Variants in MRPL1 observed in about 807,000 individuals in gnomAD.
The protein encoded by MRPL1 is large ribosomal subunit protein uL1m.
A neutral mutation model predicts 38.0 loss-of-function variants in MRPL1; 28 were observed. The ratio of observed to expected loss-of-function variants is 0.74; its 90% confidence interval spans 0.55 to 1.01. The LOEUF (loss-of-function observed/expected upper bound fraction) is 1.01, where lower values mean the gene tolerates loss of function less well. MRPL1 is among the 50% of genes least tolerant of loss of function. The probability of loss-of-function intolerance (pLI) is 0.00; values close to 1 mark genes in which losing one functional copy is unlikely to be tolerated. For synonymous variants in MRPL1, 123 were observed against 126.7 expected (o/e 0.97, Z 0.20); for missense variants, 358 against 389.8 (o/e 0.92, Z 0.69).
intron 1 of MRPL1, among the ~76,000 whole-genome samples, chr4:77,868,586 G>A (rs2110227634): frequency 6.6e-6 from 1 of 152,260 alleles, no homozygotes; most frequent in South Asian, 2.1e-4. Flanking sequence ...TGCTGTGAAG[G>A]AAAAGTGTAA....
chr4:77,904,935 A>T (rs1305183837), intron 6 of MRPL1, among the ~76,000 whole-genome samples: 1 of 152,232 alleles, frequency 6.6e-6, no homozygotes, highest in East Asian at 1.9e-4. Flanking sequence ...GCCTTAGATT[A>T]AATAAATATT....
chr4:77,926,915 T>C (rs1159208354), intron 7 of MRPL1, among the ~76,000 whole-genome samples: 1 of 152,140 alleles, frequency 6.6e-6, no homozygotes, highest in African/African-American at 2.4e-5. Context: ...GGCCTATAAC[T>C]TGTTTTTGAT....
chr4:77,901,831 G>C (rs1027326092), intron 6 of MRPL1, among the ~76,000 whole-genome samples: 2 of 152,130 alleles, frequency 1.3e-5, no homozygotes, highest in Non-Finnish European at 2.9e-5. Context: ...TAAAATATTT[G>C]AACAACACTC....
intron 6 of MRPL1, among the ~76,000 whole-genome samples, chr4:77,900,438 C>T (rs1398226393): frequency 6.6e-6 from 1 of 152,120 alleles, no homozygotes; most frequent in Non-Finnish European, 1.5e-5. Context: ...GAATGAGGGA[C>T]TGCTTTGTAG....
intron 7 of MRPL1, among the ~76,000 whole-genome samples, chr4:77,928,555 T>TA (rs1433278963): frequency 6.6e-6 from 1 of 152,186 alleles, no homozygotes; most frequent in Non-Finnish European, 1.5e-5. Flanking sequence ...AAGGGAATTA[T>TA]AAAGAGAGGA....
At chr4:77,915,774 G>C (rs1482473205) in intron 7 of MRPL1, among the ~76,000 whole-genome samples, 1 of 152,114 alleles carries the variant, frequency 6.6e-6, no homozygotes, top group Admixed American at 6.6e-5. Flanking sequence ...CATGAAATTG[G>C]TTATGTCTTA....
chr4:77,887,272 G>T lies in MRPL1; in HGVS notation c.539G>T (p.Gly180Val). The T allele has an allele frequency of 6.2e-7, 1 of 1,613,594 alleles. No homozygotes were observed. The highest frequency in any genetic ancestry group is 1.1e-5 in the South Asian group (1 of 91,066). Residue 180 changes from glycine (G) to valine (V), a missense_variant, in exon 5 of 9, where the codon GGC (glycine) becomes GTC (valine). Gly to Val is a moderately radical substitution (Grantham distance 109). Transcript: ENST00000315567. The part of the protein sequence containing the change: ...AEENGAAFAG[G>V]TSLIQKIWDD... ...GAAAATGGAGCTGCATTTGCAGGAG[G>T]CACTAGTCTGATACAGAAGGTACAG...
intron 2 of MRPL1, 39 bp downstream of exon 2, chr4:77,871,894 A>T: frequency 1.5e-6 from 2 of 1,350,720 alleles, no homozygotes; most frequent in Non-Finnish European, 2.1e-6. Flanking sequence ...ATTTGTTGTC[A>T]TTTTAATTTT....
At chr4:77,902,124 A>C (rs190510411) in intron 6 of MRPL1, among the ~76,000 whole-genome samples, 5 of 152,340 alleles carry the variant, frequency 3.3e-5, no homozygotes, top group Admixed American at 3.3e-4. Flanking sequence ...GAAATGAAAG[A>C]CTGTCTTAAA....
intron 2 of MRPL1, among the ~76,000 whole-genome samples, chr4:77,875,182 A>G (rs1464504917): frequency 2.7e-4 from 41 of 152,186 alleles, no homozygotes; most frequent in Admixed American, 2.6e-3. Flanking sequence ...ATATTGTTAT[A>G]TACAAATATG....
intron 7 of MRPL1, among the ~76,000 whole-genome samples, chr4:77,913,004 G>A (rs1225991925): frequency 1.3e-5 from 2 of 152,046 alleles, no homozygotes; most frequent in African/African-American, 4.8e-5. Context: ...GTCATAAAAT[G>A]AAATTCAACC....
intron 7 of MRPL1, among the ~76,000 whole-genome samples, chr4:77,922,923 G>A (rs886388230): frequency 7.9e-5 from 12 of 152,140 alleles, no homozygotes; most frequent in Admixed American, 1.3e-4. Flanking sequence ...CAGAGAAAAG[G>A]GCTGGGATAG....
chr4:77,902,850 G>C (rs1311489124), intron 6 of MRPL1, among the ~76,000 whole-genome samples: 1 of 152,168 alleles, frequency 6.6e-6, no homozygotes, highest in African/African-American at 2.4e-5. Flanking sequence ...GAAAGAAATT[G>C]AATTAGTCAT....
At chr4:77,918,023 C>CTGT (rs1736461264) in intron 7 of MRPL1, among the ~76,000 whole-genome samples, 2 of 146,388 alleles carry the variant, frequency 1.4e-5, no homozygotes, top group Admixed American at 1.4e-4. Flanking sequence ...CACTGCACTC[C>CTGT]AGCCTGGGCA....
chr4:77,913,513 G>A (rs1292910879), intron 7 of MRPL1, among the ~76,000 whole-genome samples: 1 of 152,152 alleles, frequency 6.6e-6, no homozygotes, highest in Non-Finnish European at 1.5e-5. Flanking sequence ...GTAAGGATGC[G>A]GTGGGACTTG....
intron 1 of MRPL1, among the ~76,000 whole-genome samples, chr4:77,868,359 C>T (rs1735202604): frequency 6.6e-6 from 1 of 152,144 alleles, no homozygotes; most frequent in South Asian, 2.1e-4. Flanking sequence ...CCTGCCTCAG[C>T]CTCCCGAGTA....
At chr4:77,915,830 A>G (rs1560468985) in intron 7 of MRPL1, among the ~76,000 whole-genome samples, 3 of 152,358 alleles carry the variant, frequency 2.0e-5, no homozygotes. Context: ...TCATAAGATG[A>G]TACGTTGAAC....
intron 6 of MRPL1, among the ~76,000 whole-genome samples, chr4:77,899,277 G>A (rs1369410216): frequency 6.6e-6 from 1 of 151,786 alleles, no homozygotes; most frequent in African/African-American, 2.4e-5. Context: ...AAAGTGCTGG[G>A]ATTACAGGCA....
chr4:77,901,044 G>T (rs1736024003), intron 6 of MRPL1, among the ~76,000 whole-genome samples: 1 of 152,122 alleles, frequency 6.6e-6, no homozygotes, highest in Non-Finnish European at 1.5e-5. Flanking sequence ...TTGGTCTTGA[G>T]TAGCCTAGTA....
Sources: allele counts gnomAD v4.1 joint callset (sites outside exome capture counted in the v4.1 genomes callset), GRCh38; gene constraint gnomAD v4.1.1; transcripts MANE v1.5; gene names NCBI Gene and HGNC (gene_info 2026-07-23, HGNC 2026-07-21).